ELAVL1: variants seen among roughly 807,000 people sequenced by gnomAD.
ELAVL1 encodes ELAV like RNA binding protein 1.
In ELAVL1, 1 loss-of-function variant was observed where a neutral mutation model predicts 28.4. The ratio of observed to expected loss-of-function variants is 0.04; its 90% CI spans 0.01 to 0.17. The LOEUF (loss-of-function observed/expected upper bound fraction) is 0.17. Ranked by LOEUF, ELAVL1 falls within the 10% of genes least tolerant of loss-of-function variation. The pLI is 1.00. For synonymous variants in ELAVL1, 174 were observed against 183.5 expected, an observed-to-expected ratio of 0.95 and a Z score of 0.42; for missense variants, 157 against 447.2, an observed-to-expected ratio of 0.35 and a Z score of 5.85.
rs1191013168 is a variant in ELAVL1 at position 7,982,656 on chromosome 19, T to G, written c.173-1470A>C. Among the ~76,000 whole-genome samples the G allele has an allele frequency of 6.6e-6, 1 of 152,214 alleles. No homozygotes were observed. The highest frequency in any genetic ancestry group is 1.5e-5 in the Non-Finnish European group (1 of 68,032). On this transcript the variant is annotated intron_variant, in intron 2 of 5. Transcript: ENST00000407627. The surrounding 1 kb of genome is among the most constrained non-coding windows in gnomAD (Gnocchi z 4.3). ...AGTGAGTATGAAATGCTGGTGACGA[T>G]GAATGTTCCCATTACCTCTAGTCCA...
chr19:8,001,486 G>A (rs1234694632), intron 1 of ELAVL1, among the ~76,000 whole-genome samples: 1 of 152,100 alleles, frequency 6.6e-6, no homozygotes, highest in African/African-American at 2.4e-5. Context: ...TCTAAACCCA[G>A]CTTCATCTTC....
chr19:7,966,351 C>T (rs559180360), intron 5 of ELAVL1, among the ~76,000 whole-genome samples: 12 of 152,144 alleles, frequency 7.9e-5, no homozygotes, highest in Non-Finnish European at 1.3e-4. Flanking sequence ...TGACTCTCAT[C>T]GCCTCTATCC....
At chr19:7,993,587 T>A (rs1985807343) in intron 1 of ELAVL1, among the ~76,000 whole-genome samples, 1 of 152,218 alleles carries the variant, frequency 6.6e-6, no homozygotes, top group Non-Finnish European at 1.5e-5. Context: ...AGAGTCCAGA[T>A]CAATGCGGCC....
At chr19:7,978,672 A>G (rs192655436) in intron 3 of ELAVL1, among the ~76,000 whole-genome samples, 2 of 152,272 alleles carry the variant, frequency 1.3e-5, no homozygotes, top group Admixed American at 1.3e-4. Context: ...GAGTCATTCT[A>G]GTGAGTCATG....
chr19:7,976,761 C>T lies in ELAVL1; in HGVS notation c.277-2883G>A, dbSNP rs1254152976. 2.6e-5 allele frequency among the ~76,000 whole-genome samples: 4 copies of T among 152,334 alleles called. No homozygotes were observed. The East Asian group carries it at 7.7e-4, about 29-fold the overall frequency. On this transcript the variant is annotated intron_variant, in intron 3 of 5. Transcript: ENST00000407627. ...CCTGACCACTCAGCTTGCCACAGAT[C>T]CCTCCACTGGCATCAACGCCCAGTT...
intron 2 of ELAVL1, among the ~76,000 whole-genome samples, chr19:7,990,813 G>A (rs1458322140): frequency 6.6e-6 from 1 of 152,150 alleles, no homozygotes; most frequent in Non-Finnish European, 1.5e-5. Flanking sequence ...GAGGGAAGAG[G>A]AGGAAGAGGG....
At chr19:7,972,536 G>A (rs1278883957) in intron 4 of ELAVL1, among the ~76,000 whole-genome samples, 2 of 152,232 alleles carry the variant, frequency 1.3e-5, no homozygotes, top group Admixed American at 6.5e-5. Context: ...AGGGGCATCC[G>A]AATTCTGGGG....
chr19:7,992,432 T>C (rs543734598), intron 1 of ELAVL1, among the ~76,000 whole-genome samples: 29 of 152,216 alleles, frequency 1.9e-4, no homozygotes, highest in African/African-American at 6.3e-4. Flanking sequence ...TTTTTGATGA[T>C]AAAAAGAAAT....
intron 1 of ELAVL1, among the ~76,000 whole-genome samples, chr19:7,999,955 T>G (rs772775978): frequency 2.0e-5 from 3 of 152,186 alleles, no homozygotes; most frequent in Non-Finnish European, 4.4e-5. Flanking sequence ...TTTTGTATTT[T>G]TAGTAGAGAC....
chr19:7,985,874 G>C (rs889703459), intron 2 of ELAVL1, among the ~76,000 whole-genome samples: 1 of 152,172 alleles, frequency 6.6e-6, no homozygotes, highest in African/African-American at 2.4e-5. Flanking sequence ...CACAAGGCAG[G>C]GTCTGAGAGT....
In ELAVL1 at chr19:7,988,484, C is replaced by T. The variant is rs182300329; in HGVS notation, c.172+3160G>A. ...GCGCTAAAGACAGATGGGGCATGGC[C>T]TCAGGGGCAGTTAGACAGGTGGGAG... On this transcript the variant is annotated intron_variant, in intron 2 of 5. Coordinates refer to ENST00000407627, the MANE Select transcript of ELAVL1 (RefSeq NM_001419.3). Among the ~76,000 whole-genome samples, 420 of 152,254 alleles carry T rather than the reference C, an allele frequency of 2.8e-3. 1 individual carries two copies. Among genetic ancestry groups the T allele is most frequent in the Non-Finnish European group, 5.1e-3 (344 of 68,022 alleles).
At chr19:7,978,733 G>C (rs751567484) in intron 3 of ELAVL1, among the ~76,000 whole-genome samples, 19 of 152,338 alleles carry the variant, frequency 1.2e-4, no homozygotes, top group Non-Finnish European at 2.5e-4. Context: ...CTGGTCAAAA[G>C]TGCAGGGGCC....
At position 7,981,289 on chromosome 19, in the gene ELAVL1, T is replaced by C. The variant is rs1034734193; in HGVS notation, c.173-103A>G. The stretch of plus-strand genomic sequence containing the variant: ...CTGCCTGGCCTTTGGGAAATGGGAT[T>C]ACAGGTGCTAGCAAACTTTATTTTC... On this transcript the variant is annotated intron_variant, in intron 2 of 5. Transcript: ENST00000407627. This position sits in a 1 kb window ranked among gnomAD's most constrained non-coding sequence, Gnocchi z 4.2. 9.6e-7 allele frequency: 1 copy of C among 1,038,518 alleles called. No individual in the cohort carries two copies. 64.3% of individuals were successfully genotyped at this position (1,038,518 alleles called of 1,614,324 possible). A position where few individuals can be genotyped will look rare whatever the true frequency, so the allele number is the denominator to read the frequency against.
chr19:7,967,254 T>G (rs1330298318), intron 5 of ELAVL1, among the ~76,000 whole-genome samples: 6 of 152,106 alleles, frequency 3.9e-5, no homozygotes, highest in Non-Finnish European at 4.4e-5. Context: ...AGGTTGGTCT[T>G]GAACTCCTGG....
rs1230390691 is a variant in ELAVL1 at position 7,962,754 on chromosome 19, C to T, written c.*729G>A. The T allele has an allele frequency of 3.3e-5, 5 of 152,704 alleles. No homozygotes were observed. Among genetic ancestry groups the T allele is most frequent in the Admixed American group, 6.5e-5 (1 of 15,288 alleles). 9.5% of individuals were successfully genotyped at this position (152,704 alleles called of 1,614,324 possible). A position where few individuals can be genotyped will look rare whatever the true frequency, so the allele number is the denominator to read the frequency against. The stretch of plus-strand genomic sequence containing the variant: ...AGTAGCAACACATCTTCAGGCGTGC[C>T]TGGAGCTTAGATCTGACTCTGGAAT... On this transcript the variant is annotated 3_prime_UTR_variant, in exon 6 of 6. Transcript: ENST00000407627.
intron 1 of ELAVL1, among the ~76,000 whole-genome samples, chr19:7,994,160 T>C (rs904539522): frequency 2.0e-5 from 3 of 151,922 alleles, no homozygotes; most frequent in Non-Finnish European, 4.4e-5. Flanking sequence ...CGAAGAGGAG[T>C]AGCCTAGAGA....
intron 4 of ELAVL1, among the ~76,000 whole-genome samples, chr19:7,971,639 C>T (rs1468590385): frequency 6.6e-6 from 1 of 152,234 alleles, no homozygotes; most frequent in Non-Finnish European, 1.5e-5. Flanking sequence ...AGAGCAAAGG[C>T]AGAATGGCGG....
At chr19:7,984,881 T>A (rs1464065752) in intron 2 of ELAVL1, among the ~76,000 whole-genome samples, 1 of 152,192 alleles carries the variant, frequency 6.6e-6, no homozygotes, top group East Asian at 1.9e-4. Context: ...CACCACTGAC[T>A]GCCCAGGCGA....
In ELAVL1 at chr19:7,960,752, A is replaced by G. The variant is rs958144838; in HGVS notation, c.*2731T>C. 6.6e-6 allele frequency: 1 copy of G among 152,604 alleles called. No homozygotes were observed. The highest frequency in any genetic ancestry group is 1.5e-5 in the Non-Finnish European group (1 of 68,022). 9.5% of individuals were successfully genotyped at this position (152,604 alleles called of 1,614,324 possible). On this transcript the variant is annotated 3_prime_UTR_variant, in exon 6 of 6. Transcript: ENST00000407627. ...ATTCCCAAATAAAAGCAGAGCACTCATTTTTGCTAAATAGAAATACAACTG... is the reference window on the plus strand; with the variant it reads ...ATTCCCAAATAAAAGCAGAGCACTCGTTTTTGCTAAATAGAAATACAACTG...
Sources: allele counts gnomAD v4.1 joint callset (sites outside exome capture counted in the v4.1 genomes callset), GRCh38; gene constraint gnomAD v4.1.1; non-coding constraint Gnocchi (gnomAD v3.1); transcripts MANE v1.5; gene names NCBI Gene and HGNC (gene_info 2026-07-23, HGNC 2026-07-21).